Variants in LOXL2 observed in about 807,000 individuals in gnomAD.
LOXL2 encodes lysyl oxidase homolog 2.
In LOXL2, 70 loss-of-function variants were observed where a neutral mutation model predicts 93.0. The ratio of observed to expected loss-of-function variants is 0.75; its 90% confidence interval spans 0.62 to 0.92. The LOEUF (loss-of-function observed/expected upper bound fraction) is 0.92. Ranked by LOEUF, LOXL2 falls within the 40% of genes least tolerant of loss-of-function variation. The pLI, the probability that LOXL2 is intolerant of heterozygous loss-of-function variation, is 0.00. For missense variants in LOXL2, 973 were observed against 1,054.9 expected (o/e 0.92, Z 1.08); for synonymous variants, 438 against 413.2 (o/e 1.06, Z -0.73).
At chr8:23,316,569 G>C (rs1184272842) in intron 9 of LOXL2, among the ~76,000 whole-genome samples, 1 of 152,148 alleles carries the variant, frequency 6.6e-6, no homozygotes, top group Non-Finnish European at 1.5e-5. Flanking sequence ...CTGAAAACAG[G>C]AAATGCTCTA....
At chr8:23,386,007 C>G in intron 1 of LOXL2, 1 of 765,292 alleles carries the variant, frequency 1.3e-6, no homozygotes. Context: ...CAGCTTTGGA[C>G]AACCCCCTGA....
intron 3 of LOXL2, among the ~76,000 whole-genome samples, chr8:23,356,185 AC>A (rs1468538784): frequency 6.6e-6 from 1 of 152,204 alleles, no homozygotes; most frequent in Admixed American, 6.5e-5. Context: ...GGAGGCCGGA[AC>A]AGAGCCCTAG....
At chr8:23,384,856 G>A (rs1376608095) in intron 1 of LOXL2, among the ~76,000 whole-genome samples, 2 of 152,120 alleles carry the variant, frequency 1.3e-5, no homozygotes, top group African/African-American at 2.4e-5. Flanking sequence ...AGAGGTTGCA[G>A]TGAGCCGAGA....
At chr8:23,393,153 A>C (rs914755190) in intron 1 of LOXL2, among the ~76,000 whole-genome samples, 17 of 152,240 alleles carry the variant, frequency 1.1e-4, no homozygotes, top group African/African-American at 4.1e-4. Flanking sequence ...CTACGAATTC[A>C]ACACAATTTC....
chr8:23,328,307 G>A (rs1803617616), intron 6 of LOXL2, 75 bp downstream of exon 6: 8 of 1,512,350 alleles, frequency 5.3e-6, no homozygotes, highest in Middle Eastern at 2.3e-4. Context: ...GAGAGCTCAC[G>A]GCCAGCAGCC....
intron 1 of LOXL2, among the ~76,000 whole-genome samples, chr8:23,370,372 TTTACATTGTTG>T (rs1804475213): frequency 6.6e-6 from 1 of 152,108 alleles, no homozygotes; most frequent in Non-Finnish European, 1.5e-5. Context: ...TTGCTGGTGC[TTTACATTGTTG>T]TCATGTCTGG....
At chr8:23,345,765 T>G (rs1393234563) in intron 3 of LOXL2, among the ~76,000 whole-genome samples, 1 of 152,108 alleles carries the variant, frequency 6.6e-6, no homozygotes, top group Non-Finnish European at 1.5e-5. Context: ...AGTCTAGACT[T>G]GCTAGTTTAA....
chr8:23,304,473 T>C (rs1803195942), intron 10 of LOXL2, among the ~76,000 whole-genome samples: 1 of 152,190 alleles, frequency 6.6e-6, no homozygotes, highest in Non-Finnish European at 1.5e-5. Flanking sequence ...TTCTATATGC[T>C]TGTCTCTGCC....
chr8:23,307,953 G>GGAAAAA lies in LOXL2; in HGVS notation c.1880+1714_1880+1715insTTTTTC, dbSNP rs58347035. On this transcript the variant is annotated intron_variant, in intron 10 of 13. Coordinates refer to ENST00000389131, the MANE Select transcript of LOXL2 (RefSeq NM_002318.3). ...GTGACTAGGTCATCAGCTGCGATAT[G>GGAAAAA]AAAAAAAAAAAAAAAAAAAAGCCAA... is the stretch of plus-strand genomic sequence containing the variant. Among the ~76,000 whole-genome samples the GGAAAAA allele has an allele frequency of 1.4e-3, 115 of 83,548 alleles. 21 individuals are homozygous for GGAAAAA. The East Asian group carries it at 0.015, about 11-fold the overall frequency. The allele number at this position is 83,548 out of a possible 152,430, so 54.8% of individuals were successfully genotyped here.
At chr8:23,342,320 C>T (rs147985851) in intron 3 of LOXL2, among the ~76,000 whole-genome samples, 3 of 152,200 alleles carry the variant, frequency 2.0e-5, no homozygotes. Flanking sequence ...GAAGCTCCCC[C>T]CTAAATCACT....
chr8:23,361,542 C>T (rs1399151862), intron 2 of LOXL2, among the ~76,000 whole-genome samples: 6 of 152,048 alleles, frequency 3.9e-5, no homozygotes, highest in African/African-American at 1.2e-4. Flanking sequence ...AGGATGGCTA[C>T]TATCAAAAAA....
chr8:23,378,997 G>C (rs190347290), intron 1 of LOXL2, among the ~76,000 whole-genome samples: 429 of 149,064 alleles, frequency 2.9e-3, no homozygotes, highest in African/African-American at 7.0e-3. Flanking sequence ...TCCTTTGGAG[G>C]GGGAGAGGTG....
intron 9 of LOXL2, among the ~76,000 whole-genome samples, chr8:23,311,076 T>C (rs1235748711): frequency 6.6e-6 from 1 of 152,226 alleles, no homozygotes; most frequent in East Asian, 1.9e-4. Context: ...GAATTGCTTA[T>C]AAATTTTAAG....
At position 23,330,621 on chromosome 8, in the gene LOXL2, C is replaced by T. The variant is rs76004274; in HGVS notation, c.967-2056G>A. 8.5e-3 allele frequency among the ~76,000 whole-genome samples: 1,299 copies of T among 152,196 alleles called. 83 individuals carry two copies. In the East Asian group the frequency reaches 0.16, roughly 19 times the overall value. On this transcript the variant is annotated intron_variant, in intron 5 of 13. Transcript: ENST00000389131. The stretch of plus-strand genomic sequence containing the variant: ...GGGAAAATATGATGTAAGGCACGCT[C>T]GCTCTGTTTTAATTGGTTTGGTATG...
At chr8:23,394,883 A>C (rs766232294) in intron 1 of LOXL2, among the ~76,000 whole-genome samples, 1 of 152,174 alleles carries the variant, frequency 6.6e-6, no homozygotes, top group Non-Finnish European at 1.5e-5. Flanking sequence ...CTATAAATGG[A>C]TTAACAAAAT....
At chr8:23,338,871 G>A (rs1803837588) in intron 4 of LOXL2, among the ~76,000 whole-genome samples, 1 of 152,170 alleles carries the variant, frequency 6.6e-6, no homozygotes, top group Non-Finnish European at 1.5e-5. Flanking sequence ...GCTGCAGCAG[G>A]GCCAGCAGGT....
chr8:23,366,675 A>G (rs1315480347), intron 2 of LOXL2, among the ~76,000 whole-genome samples: 1 of 152,212 alleles, frequency 6.6e-6, no homozygotes, highest in Non-Finnish European at 1.5e-5. Context: ...AGTCCAGGAC[A>G]GGAGTATAGG....
At chr8:23,339,523 G>A (rs1803846766) in intron 4 of LOXL2, among the ~76,000 whole-genome samples, 1 of 152,238 alleles carries the variant, frequency 6.6e-6, no homozygotes, top group Non-Finnish European at 1.5e-5. Flanking sequence ...CTCTGGACTG[G>A]CCACGGTTGG....
intron 10 of LOXL2, among the ~76,000 whole-genome samples, chr8:23,308,873 T>C (rs1803274827): frequency 6.6e-6 from 1 of 152,108 alleles, no homozygotes; most frequent in Non-Finnish European, 1.5e-5. Context: ...GAGGCACGGC[T>C]GCGTTTAGAG....
Sources: gnomAD v4.1 joint callset for allele counts (sites outside exome capture counted in the v4.1 genomes callset) on GRCh38, gnomAD v4.1.1 for gene constraint, MANE v1.5 for transcripts, NCBI Gene and HGNC (gene_info 2026-07-23, HGNC 2026-07-21) for gene names.